Variants in SNTG1 observed in about 807,000 individuals in gnomAD.
SNTG1 encodes the protein gamma-1-syntrophin.
SNTG1 carries 39 observed loss-of-function variants against 74.7 expected under a neutral mutation model. The ratio of observed to expected loss-of-function variants is 0.52; its 90% CI spans 0.40 to 0.68. The LOEUF (loss-of-function observed/expected upper bound fraction) is 0.68. SNTG1 is among the 30% of genes least tolerant of loss of function. SNTG1 has a pLI of 0.00. For synonymous variants in SNTG1, 254 were observed against 217.1 expected, an observed-to-expected ratio of 1.17 and a Z score of -1.49; for missense variants, 685 against 609.5, an observed-to-expected ratio of 1.12 and a Z score of -1.30.
intron 17 of SNTG1, among the ~76,000 whole-genome samples, chr8:50,747,572 A>C (rs1030805958): frequency 6.6e-6 from 1 of 152,002 alleles, no homozygotes; most frequent in Non-Finnish European, 1.5e-5. Flanking sequence ...AATTAAGGTA[A>C]CATTCTATTA....
intron 2 of SNTG1, among the ~76,000 whole-genome samples, chr8:50,302,140 G>T (rs2089679246): frequency 6.6e-6 from 1 of 152,082 alleles, no homozygotes; most frequent in Admixed American, 6.6e-5. Context: ...AACATATATT[G>T]AGTGACACTT....
chr8:50,263,748 C>T (rs533003541), intron 2 of SNTG1, among the ~76,000 whole-genome samples: 8 of 152,118 alleles, frequency 5.3e-5, no homozygotes, highest in Admixed American at 3.3e-4. Flanking sequence ...GACAATTTCA[C>T]AATAGTAGCT....
intron 1 of SNTG1, among the ~76,000 whole-genome samples, chr8:50,038,013 C>G (rs960515182): frequency 6.6e-5 from 10 of 152,094 alleles, no homozygotes; most frequent in Admixed American, 3.9e-4. Flanking sequence ...ATTAAATCAT[C>G]AGAAACTCCT....
At chr8:50,648,234 A>C (rs1278645107) in intron 13 of SNTG1, among the ~76,000 whole-genome samples, 1 of 152,174 alleles carries the variant, frequency 6.6e-6, no homozygotes, top group Non-Finnish European at 1.5e-5. Flanking sequence ...ATAAAACTGC[A>C]TACAGTGATG....
At chr8:50,210,548 G>A (rs2084471397) in intron 2 of SNTG1, among the ~76,000 whole-genome samples, 1 of 152,204 alleles carries the variant, frequency 6.6e-6, no homozygotes, top group Non-Finnish European at 1.5e-5. Flanking sequence ...AACTGTACAA[G>A]CCAGAAGAGA....
chr8:50,218,757 G>T (rs2084915708), intron 2 of SNTG1, among the ~76,000 whole-genome samples: 1 of 152,026 alleles, frequency 6.6e-6, no homozygotes, highest in East Asian at 1.9e-4. Context: ...TGCCCAAATA[G>T]CCTTTGTAAT....
chr8:50,689,802 C>G (rs978952314), intron 15 of SNTG1, among the ~76,000 whole-genome samples: 2 of 151,926 alleles, frequency 1.3e-5, no homozygotes, highest in African/African-American at 4.8e-5. Context: ...TCTATTGATT[C>G]GGATAGTTTC....
At chr8:50,536,849 A>T (rs1367534492) in intron 11 of SNTG1, 41 bp downstream of exon 11, 11 of 1,603,702 alleles carry the variant, frequency 6.9e-6, no homozygotes, top group Non-Finnish European at 7.7e-6. Flanking sequence ...TTGTTTATGA[A>T]AAAAGAGACC....
At chr8:50,462,795 T>C (rs1340819524) in intron 8 of SNTG1, among the ~76,000 whole-genome samples, 4 of 22,512 alleles carry the variant, frequency 1.8e-4, no homozygotes, top group African/African-American at 3.3e-4. Flanking sequence ...CAGGTTCTAC[T>C]CTTTTTTTTT....
chr8:50,469,196 T>C (rs1191637414), intron 8 of SNTG1, among the ~76,000 whole-genome samples: 1 of 152,212 alleles, frequency 6.6e-6, no homozygotes, highest in African/African-American at 2.4e-5. Context: ...TTTTCTACTA[T>C]TGTTTGCCGG....
At chr8:50,137,538 C>A (rs976672723) in intron 1 of SNTG1, among the ~76,000 whole-genome samples, 3 of 152,122 alleles carry the variant, frequency 2.0e-5, no homozygotes, top group Non-Finnish European at 2.9e-5. Flanking sequence ...TAAGTAAATG[C>A]GTACGTAGAT....
chr8:50,356,918 C>A (rs1464003471), intron 2 of SNTG1, among the ~76,000 whole-genome samples: 1 of 152,224 alleles, frequency 6.6e-6, no homozygotes, highest in Non-Finnish European at 1.5e-5. Context: ...AATCCAACAA[C>A]CTCAGCGTGA....
At chr8:50,536,657 G>A (rs753061823) in intron 10 of SNTG1, 21 bp from the exon 11 acceptor site, 1 of 1,608,914 alleles carries the variant, frequency 6.2e-7, no homozygotes, top group Non-Finnish European at 8.5e-7. Flanking sequence ...AAATTACGTT[G>A]AATATTTATC....
chr8:50,519,051 C>T (rs988473733), intron 9 of SNTG1, among the ~76,000 whole-genome samples: 2 of 152,088 alleles, frequency 1.3e-5, no homozygotes, highest in Non-Finnish European at 2.9e-5. Flanking sequence ...TGGGAAAATC[C>T]TCCAAAAGCA....
intron 18 of SNTG1, among the ~76,000 whole-genome samples, chr8:50,759,730 C>G (rs540998309): frequency 1.3e-5 from 2 of 152,084 alleles, no homozygotes; most frequent in Non-Finnish European, 2.9e-5. Flanking sequence ...CAGTACCATG[C>G]TGTTTTGGTT....
chr8:50,753,523 C>T (rs1332434839), intron 18 of SNTG1, among the ~76,000 whole-genome samples: 4 of 151,894 alleles, frequency 2.6e-5, no homozygotes, highest in African/African-American at 9.6e-5. Context: ...GCTAACAAAC[C>T]CTTTGCAAAG....
chr8:50,634,493 TA>T (rs2095025938), intron 13 of SNTG1, among the ~76,000 whole-genome samples: 1 of 152,226 alleles, frequency 6.6e-6, no homozygotes, highest in Non-Finnish European at 1.5e-5. Context: ...ACTGAAATTT[TA>T]TTGAAATAAT....
At chr8:50,628,036 C>A (rs1010624667) in intron 13 of SNTG1, among the ~76,000 whole-genome samples, 1 of 152,156 alleles carries the variant, frequency 6.6e-6, no homozygotes. Context: ...TTCTGGTAAC[C>A]AGCCCCATCC....
At chr8:50,773,090 C>T (rs1195329795) in intron 18 of SNTG1, among the ~76,000 whole-genome samples, 1 of 152,110 alleles carries the variant, frequency 6.6e-6, no homozygotes, top group South Asian at 2.1e-4. Flanking sequence ...TATAGCAACA[C>T]AAACGGACTA....
Sources: allele counts gnomAD v4.1 joint callset (sites outside exome capture counted in the v4.1 genomes callset), GRCh38; gene constraint gnomAD v4.1.1; transcripts MANE v1.5; gene names NCBI Gene and HGNC (gene_info 2026-07-23, HGNC 2026-07-21).